The following MCM8 variants were observed in gnomAD, a reference collection of about 807,000 sequenced individuals.
MCM8 encodes the protein minichromosome maintenance 8 homologous recombination repair factor.
Under a neutral mutation model 98.9 loss-of-function variants are expected in MCM8, and 85 were observed. That is an observed-to-expected ratio of 0.86 (90% confidence interval 0.72 to 1.03). The LOEUF is 1.03. Among genes scored for constraint, MCM8 ranks in the 50% least tolerant of loss-of-function variants. The pLI is 0.00. For missense variants in MCM8, 951 were observed against 997.8 expected (o/e 0.95, Z 0.63); for synonymous variants, 352 against 338.6 (o/e 1.04, Z -0.44).
chr20:5,959,094 A>G (rs2089066518), intron 7 of MCM8, among the ~76,000 whole-genome samples: 1 of 152,076 alleles, frequency 6.6e-6, no homozygotes, highest in South Asian at 2.1e-4. Context: ...TATACACACC[A>G]AGTTTTTTTT....
intron 17 of MCM8, among the ~76,000 whole-genome samples, chr20:5,991,999 C>T (rs545542959): frequency 1.3e-5 from 2 of 152,212 alleles, no homozygotes; most frequent in South Asian, 4.1e-4. Context: ...GTCTGAGTTA[C>T]CAGAGCACTT....
chr20:5,957,195 G>A lies in MCM8; in HGVS notation c.556G>A (p.Glu186Lys). The A allele has an allele frequency of 6.2e-7, 1 of 1,613,588 alleles. No homozygotes were observed. Among genetic ancestry groups the A allele is most frequent in the Non-Finnish European group, 8.5e-7 (1 of 1,179,724 alleles). Reference protein sequence around the residue: ...QAQEGLSNDGETMVNVPHIHA... With the variant: ...QAQEGLSNDGKTMVNVPHIHA... ...CCAGGAAGGATTGTCTAATGATGGA[G>A]AAACAATGGTAAATGTGCCACATAT... Residue 186 changes from glutamate (E) to lysine (K), a missense_variant, in exon 6 of 19, where the codon GAA becomes AAA. Glu to Lys is a moderately conservative substitution (Grantham distance 56). Coordinates refer to ENST00000610722, the MANE Select transcript of MCM8 (RefSeq NM_032485.6).
In MCM8 at chr20:5,959,818, C is replaced by T. The variant is rs191454159; in HGVS notation, c.789+1092C>T. ...GGTTCAAGCAGTTCTCCTGCCTCAGCCTCTCGAGTAGCTGGGACTACAGGC... is the reference window on the plus strand; with the variant it reads ...GGTTCAAGCAGTTCTCCTGCCTCAGTCTCTCGAGTAGCTGGGACTACAGGC... On this transcript the variant is annotated intron_variant, in intron 7 of 18. Transcript: ENST00000610722. Among the ~76,000 whole-genome samples, 114 of 151,780 alleles carry T rather than the reference C, an allele frequency of 7.5e-4. 1 individual carries two copies. The highest frequency in any genetic ancestry group is 7.2e-3 in the Admixed American group (109 of 15,230).
rs1181273007 is a variant in MCM8, at chr20:5,955,026, CTATAAT to C, written c.337-75_337-70del. 3.2e-5 allele frequency: 32 copies of C among 1,012,624 alleles called. No individual in the cohort carries two copies. In the East Asian group the frequency reaches 3.3e-4, roughly 10 times the overall value. 62.7% of individuals were successfully genotyped at this position (1,012,624 alleles called of 1,614,324 possible). A position where few individuals can be genotyped will look rare whatever the true frequency, so the allele number is the denominator to read the frequency against. ...TAAACATTGTATGCTTTCTCAAAGT[CTATAAT>C]AGAATGCTCAGTTAATGGTAATTGA... On this transcript the variant is annotated intron_variant, in intron 4 of 18. Transcript: ENST00000610722.
rs533202735 is a variant in MCM8, at chr20:5,963,106, G to A, written c.790-168G>A. Among the ~76,000 whole-genome samples, 33 of 152,322 alleles carry A rather than the reference G, an allele frequency of 2.2e-4. No individual in the cohort carries two copies. In the South Asian group the frequency reaches 6.6e-3, roughly 31 times the overall value. On this transcript the variant is annotated intron_variant, in intron 7 of 18. Transcript: ENST00000610722. Reference sequence around the variant, plus strand: ...CCTCAAAAGCTGTCGATATTAAATTGTTGCAGGAGGAAATAGAAAGTCATT... The same window carrying A: ...CCTCAAAAGCTGTCGATATTAAATTATTGCAGGAGGAAATAGAAAGTCATT...
In MCM8 at chr20:5,972,493, C is replaced by T. The variant is rs946171937; in HGVS notation, c.1254+456C>T. 3.4e-5 allele frequency: 10 copies of T among 290,496 alleles called. No individual in the cohort carries two copies. In the Admixed American group the frequency reaches 3.5e-4, roughly 10 times the overall value. The allele number at this position is 290,496 out of a possible 1,614,324, so 18.0% of individuals were successfully genotyped here. ...AAGTGCTGGGATTATAGGTGTCAGC[C>T]GTATAGCTCCTTTTAAGAAAAAACT... On this transcript the variant is annotated intron_variant, in intron 11 of 18. Transcript: ENST00000610722.
intron 17 of MCM8, among the ~76,000 whole-genome samples, chr20:5,988,520 C>T (rs763540339): frequency 3.3e-5 from 5 of 151,806 alleles, no homozygotes; most frequent in South Asian, 2.1e-4. Flanking sequence ...ATAGTTACCC[C>T]GTTCTTCCTG....
chr20:5,970,686 G>A (rs948729185), intron 10 of MCM8, among the ~76,000 whole-genome samples: 16 of 152,088 alleles, frequency 1.1e-4, no homozygotes, highest in African/African-American at 3.9e-4. Flanking sequence ...ACCTCCTTCT[G>A]TGTTTACATA....
At chr20:5,969,742 T>C (rs2089362276) in intron 10 of MCM8, among the ~76,000 whole-genome samples, 1 of 152,186 alleles carries the variant, frequency 6.6e-6, no homozygotes, top group Non-Finnish European at 1.5e-5. Context: ...TTTTTGTCCT[T>C]AAATCCTACT....
At position 5,995,522 on chromosome 20, in the gene MCM8, C is replaced by T. The variant is rs2089944704; in HGVS notation, c.*1131C>T. On this transcript the variant is annotated 3_prime_UTR_variant, in exon 19 of 19. Transcript: ENST00000610722. ...ATAGGTAGAAGAATGCCCCCACCCGCACCGGAACAGCAACAAAAGGATTCT... is the reference window on the plus strand; with the variant it reads ...ATAGGTAGAAGAATGCCCCCACCCGTACCGGAACAGCAACAAAAGGATTCT... 6.6e-6 allele frequency: 1 copy of T among 152,194 alleles called. No individual in the cohort carries two copies. The highest frequency in any genetic ancestry group is 1.5e-5 in the Non-Finnish European group (1 of 68,048). 9.4% of individuals were successfully genotyped at this position (152,194 alleles called of 1,614,324 possible).
chr20:5,967,688 T>A, intron 9 of MCM8, 101 bp downstream of exon 9: 1 of 1,421,978 alleles, frequency 7.0e-7, no homozygotes, highest in Non-Finnish European at 9.6e-7. Context: ...GAGGAATTTC[T>A]TGTTGCTTAC....
At chr20:5,990,179 A>G (rs530550265) in intron 17 of MCM8, among the ~76,000 whole-genome samples, 2 of 151,786 alleles carry the variant, frequency 1.3e-5, no homozygotes, top group African/African-American at 2.4e-5. Context: ...GGTTCAAGCG[A>G]TTCTCCTGCC....
chr20:5,988,723 C>A (rs1430108190), intron 17 of MCM8, among the ~76,000 whole-genome samples: 1 of 152,036 alleles, frequency 6.6e-6, no homozygotes, highest in East Asian at 1.9e-4. Context: ...GTCTACTTTT[C>A]CAAGACCAAA....
At chr20:5,976,553 T>C (rs2089515591) in intron 12 of MCM8, among the ~76,000 whole-genome samples, 1 of 152,148 alleles carries the variant, frequency 6.6e-6, no homozygotes, top group Non-Finnish European at 1.5e-5. Context: ...ATTAATTGGT[T>C]ACAAATGCAG....
chr20:5,959,054 C>G (rs1369853007), intron 7 of MCM8, among the ~76,000 whole-genome samples: 2 of 152,118 alleles, frequency 1.3e-5, no homozygotes, highest in Non-Finnish European at 2.9e-5. Flanking sequence ...ATATGCATCC[C>G]TTCCATTCAT....
At position 5,973,037 on chromosome 20, in the gene MCM8, T is replaced by C. The variant is rs1244910349; in HGVS notation, c.1255-19T>C. ...ATGTTTTCCTTACTTCTGTTTTTTG[T>C]TCTTTTTTCGCACTTGAGCTTGTTA... On this transcript the variant is annotated intron_variant, in intron 11 of 18. Coordinates refer to ENST00000610722, the MANE Select transcript of MCM8 (RefSeq NM_032485.6). 6.2e-7 allele frequency: 1 copy of C among 1,611,666 alleles called. No individual in the cohort carries two copies. Among genetic ancestry groups the C allele is most frequent in the Non-Finnish European group, 8.5e-7 (1 of 1,177,870 alleles).
chr20:5,963,241 A>G (rs1287862931), intron 7 of MCM8, 33 bp from the exon 8 acceptor site: 10 of 1,505,504 alleles, frequency 6.6e-6, no homozygotes, highest in Non-Finnish European at 7.4e-6. Flanking sequence ...AGTTTATCAA[A>G]ATCTGAATGT....
In MCM8 at chr20:5,984,958, A is replaced by G. The variant is rs931734306; in HGVS notation, c.1911A>G (p.Val637=). 5 of 1,614,102 alleles carry G rather than the reference A, an allele frequency of 3.1e-6. No homozygotes were observed. Among genetic ancestry groups the G allele is most frequent in the Non-Finnish European group, 4.2e-6 (5 of 1,179,994 alleles). ...RMNSQDSNTS[V]LEVVSEKPLS... ...ATAGTCAAGATTCAAATACTTCCGT[A>G]CTTGAAGTAGTTTCTGAGAAGCCAT... Residue 637 remains valine, a synonymous_variant, in exon 15 of 19, where the codon GTA becomes GTG. Coordinates refer to ENST00000610722, the MANE Select transcript of MCM8 (RefSeq NM_032485.6).
chr20:5,967,822 A>C lies in MCM8; in HGVS notation c.1028-8A>C, dbSNP rs751694018. 2 of 1,596,204 alleles carry C rather than the reference A, an allele frequency of 1.3e-6. No homozygotes were observed. Among genetic ancestry groups the C allele is most frequent in the African/African-American group, 2.7e-5 (2 of 74,102 alleles). The stretch of plus-strand genomic sequence containing the variant: ...CCAACTATTGTATTTAACACTTTTA[A>C]TTTACAGGTTCTCGAAATAAGAATG... On this transcript the variant is annotated splice_polypyrimidine_tract_variant and splice_region_variant and intron_variant, in intron 9 of 18. Transcript: ENST00000610722.
Sources: allele counts gnomAD v4.1 joint callset (sites outside exome capture counted in the v4.1 genomes callset), GRCh38; gene constraint gnomAD v4.1.1; transcripts MANE v1.5; gene names NCBI Gene and HGNC (gene_info 2026-07-23, HGNC 2026-07-21).